Variants in CLPP observed in about 807,000 individuals in gnomAD.
The protein encoded by CLPP is caseinolytic mitochondrial matrix peptidase proteolytic subunit.
CLPP carries 14 observed loss-of-function variants against 27.4 expected under a neutral mutation model. That is an observed-to-expected ratio of 0.51 (90% confidence interval 0.34 to 0.80). The LOEUF is 0.80. Ranked by LOEUF, CLPP falls within the 30% of genes least tolerant of loss-of-function variation. The pLI, the probability that CLPP is intolerant of heterozygous loss-of-function variation, is 0.02. For synonymous variants in CLPP, 193 were observed against 166.6 expected, an observed-to-expected ratio of 1.16 and a Z score of -1.22; for missense variants, 361 against 403.6, an observed-to-expected ratio of 0.89 and a Z score of 0.90.
rs980193170 is a variant in CLPP, at chr19:6,361,747, T to G, written c.173T>G (p.Leu58Arg). 15 of 1,527,484 alleles carry G rather than the reference T, an allele frequency of 9.8e-6. No homozygotes were observed. The highest frequency in any genetic ancestry group is 1.7e-4 in the Middle Eastern group (1 of 5,910). 94.6% of individuals were successfully genotyped at this position (1,527,484 alleles called of 1,614,324 possible). A position where few individuals can be genotyped will look rare whatever the true frequency, so the allele number is the denominator to read the frequency against. Residue 58 changes from leucine to arginine, a missense_variant, in exon 1 of 6, where the codon CTC becomes CGC. By Grantham distance (102) the Leu-to-Arg change is moderately radical. Around this residue, in one of 2 missense-constraint regions of CLPP, gnomAD observed 148 missense variants for 122.6 expected, o/e 1.21. Transcript: ENST00000245816. ...GCGACGGCGACCCGGGCTCTCCCGC[T>G]CATTCCCATCGTGGTGGAGCAGACG... ...LHATATRALPLIPIVVEQTGR... is the reference protein window; with the variant it reads ...LHATATRALPRIPIVVEQTGR...
At chr19:6,362,073 T>C in intron 2 of CLPP, 133 bp downstream of exon 2, 1 of 791,742 alleles carries the variant, frequency 1.3e-6, no homozygotes, top group South Asian at 1.7e-5. Context: ...CCTCCCCTTC[T>C]GACTCCCCTC....
chr19:6,364,638 G>A lies in CLPP; in HGVS notation c.554G>A (p.Arg185Gln), dbSNP rs773085357. The change falls in exon 4 of 6, where the codon CGG becomes CAG. Residue 185 changes from arginine to glutamine, a missense_variant and splice_region_variant. Arg to Gln is a conservative substitution (Grantham distance 43). This residue lies in a region of CLPP where 213 missense variants were observed against 280.9 expected (regional missense o/e 0.76). Coordinates refer to ENST00000245816, the MANE Select transcript of CLPP (RefSeq NM_006012.4). The part of the protein sequence containing the change: ...IMIHQPSGGA[R>Q]GQATDIAIQA... ...ATCCACCAGCCCTCAGGAGGCGCCC[G>A]GGTGAGTGCCAGACACGCGAGCTGC... is the stretch of plus-strand genomic sequence containing the variant. 6 of 1,608,218 alleles carry A rather than the reference G, an allele frequency of 3.7e-6. No homozygotes were observed. The highest frequency in any genetic ancestry group is 2.2e-5 in the South Asian group (2 of 90,730).
Position 6,364,642 on chromosome 19 carries a change from G to A in CLPP, c.555+3G>A, listed in dbSNP as rs200101759. On this transcript the variant is annotated splice_donor_region_variant and intron_variant, in intron 4 of 5. Coordinates refer to ENST00000245816, the MANE Select transcript of CLPP (RefSeq NM_006012.4). ...ACCAGCCCTCAGGAGGCGCCCGGGT[G>A]AGTGCCAGACACGCGAGCTGCTGTT... 761 of 1,607,686 alleles carry A rather than the reference G, an allele frequency of 4.7e-4. 4 individuals are homozygous for A. The African/African-American group carries it at 9.0e-3, about 19-fold the overall frequency.
chr19:6,361,626 C>G lies in CLPP; in HGVS notation c.52C>G (p.Pro18Ala). 7.0e-7 allele frequency: 1 copy of G among 1,424,808 alleles called. No individual in the cohort carries two copies. The highest frequency in any genetic ancestry group is 1.9e-4 in the Middle Eastern group (1 of 5,370). The allele number at this position is 1,424,808 out of a possible 1,614,324, so 88.3% of individuals were successfully genotyped here. A position where few individuals can be genotyped will look rare whatever the true frequency, so the allele number is the denominator to read the frequency against. Residue 18 changes from proline (P) to alanine (A), a missense_variant, in exon 1 of 6, where the codon CCC becomes GCC. Pro to Ala is a conservative substitution (Grantham distance 27). Around this residue, in one of 2 missense-constraint regions of CLPP, gnomAD observed 148 missense variants for 122.6 expected, o/e 1.21. Transcript: ENST00000245816. ...GGCCCGGGTGGCGTCATGCAGGTAC[C>G]CCGCGCTGGGGCCTCGCCTCGCCGC... is the stretch of plus-strand genomic sequence containing the variant. The part of the protein sequence containing the change: ...GGARVASCRY[P>A]ALGPRLAAHF...
intron 5 of CLPP, among the ~76,000 whole-genome samples, chr19:6,368,152 AG>A (rs1464795527): frequency 6.6e-6 from 1 of 152,184 alleles, no homozygotes; most frequent in East Asian, 1.9e-4. Flanking sequence ...AAAACACCAC[AG>A]ACCTCAACAG....
At position 6,361,946 on chromosome 19, in the gene CLPP, C is replaced by T; in HGVS notation, c.270+6C>T. 1 of 1,595,304 alleles carries T rather than the reference C, an allele frequency of 6.3e-7. No individual in the cohort carries two copies. The highest frequency in any genetic ancestry group is 8.5e-7 in the Non-Finnish European group (1 of 1,178,444). On this transcript the variant is annotated splice_donor_region_variant and intron_variant, in intron 2 of 5. Coordinates refer to ENST00000245816, the MANE Select transcript of CLPP (RefSeq NM_006012.4). ...TCGTGTGCGTCATGGGCCCGGTGAGCGCCCCGCGCCGGGACCCTCCCCAGG... is the reference window on the plus strand; with the variant it reads ...TCGTGTGCGTCATGGGCCCGGTGAGTGCCCCGCGCCGGGACCCTCCCCAGG...
At chr19:6,367,519 G>A in intron 5 of CLPP, among the ~76,000 whole-genome samples, 1 of 151,970 alleles carries the variant, frequency 6.6e-6, no homozygotes, top group East Asian at 1.9e-4. Flanking sequence ...GCTGTTAGAG[G>A]AGTGGTTGCT....
chr19:6,364,092 G>A (rs1190431939), intron 3 of CLPP, among the ~76,000 whole-genome samples: 27 of 148,164 alleles, frequency 1.8e-4, no homozygotes, highest in African/African-American at 6.0e-4. Flanking sequence ...GTGCGGTGGC[G>A]CTATCTCGGC....
Position 6,368,915 on chromosome 19 carries a change from G to A in CLPP, c.*205G>A, listed in dbSNP as rs2091874908. The A allele has an allele frequency of 3.4e-6, 2 of 588,460 alleles. No individual in the cohort carries two copies. Among genetic ancestry groups the A allele is most frequent in the South Asian group, 4.0e-5 (2 of 49,438 alleles). The allele number at this position is 588,460 out of a possible 1,614,324, so 36.5% of individuals were successfully genotyped here. A position where few individuals can be genotyped will look rare whatever the true frequency, so the allele number is the denominator to read the frequency against. On this transcript the variant is annotated 3_prime_UTR_variant, in exon 6 of 6. Transcript: ENST00000245816. ...CTTTGTGGTCTTTGCTCTGCGTCTGGGACACCCTCCCTTCTGCACCATGAC... is the reference window on the plus strand; with the variant it reads ...CTTTGTGGTCTTTGCTCTGCGTCTGAGACACCCTCCCTTCTGCACCATGAC...
chr19:6,362,608 G>A (rs1391186126), intron 3 of CLPP, 66 bp downstream of exon 3: 5 of 1,098,038 alleles, frequency 4.6e-6, no homozygotes, highest in Non-Finnish European at 5.6e-6. Context: ...CAGGGGACCA[G>A]AATCCCGGGT....
intron 4 of CLPP, chr19:6,365,147 C>G (rs112183821): frequency 0.035 from 5,280 of 148,966 alleles, 152 homozygotes; most frequent in African/African-American, 0.081. Flanking sequence ...CGAGGCCAGC[C>G]AGGGGAACAT....
Position 6,361,920 on chromosome 19 carries a change from A to G in CLPP, c.250A>G (p.Ile84Val), listed in dbSNP as rs1211465100. Reference protein sequence around the residue: ...DIYSRLLRERIVCVMGPIDDS... With the variant: ...DIYSRLLRERVVCVMGPIDDS... ...CTACTCGCGGCTGCTGCGGGAGCGC[A>G]TCGTGTGCGTCATGGGCCCGGTGAG... Residue 84 changes from isoleucine to valine, a missense_variant, in exon 2 of 6, where the codon ATC (isoleucine) becomes GTC (valine). Coordinates refer to ENST00000245816, the MANE Select transcript of CLPP (RefSeq NM_006012.4). 1 of 1,595,854 alleles carries G rather than the reference A, an allele frequency of 6.3e-7. No homozygotes were observed. The highest frequency in any genetic ancestry group is 8.5e-7 in the Non-Finnish European group (1 of 1,178,666).
rs1241678061 is a variant in CLPP, at chr19:6,369,488, G to A, written c.*778G>A. ...GTAAGCGTGTTACAGTTTTTTATGGGGTAATCAGGGAAGCCCTCACTGAGA... is the reference window on the plus strand; with the variant it reads ...GTAAGCGTGTTACAGTTTTTTATGGAGTAATCAGGGAAGCCCTCACTGAGA... On this transcript the variant is annotated 3_prime_UTR_variant, in exon 6 of 6. Transcript: ENST00000245816. Among the ~76,000 whole-genome samples, 1 of 152,014 alleles carries A rather than the reference G, an allele frequency of 6.6e-6. No individual in the cohort carries two copies. The highest frequency in any genetic ancestry group is 1.5e-5 in the Non-Finnish European group (1 of 68,004).
intron 2 of CLPP, chr19:6,362,176 C>G: frequency 1.7e-6 from 1 of 602,350 alleles, no homozygotes; most frequent in South Asian, 2.0e-5. Flanking sequence ...CACCGCTCCC[C>G]TCATTCCTAC....
At position 6,368,912 on chromosome 19, in the gene CLPP, C is replaced by G. The variant is rs2091874887; in HGVS notation, c.*202C>G. The G allele has an allele frequency of 5.1e-6, 3 of 589,950 alleles. No homozygotes were observed. The highest frequency in any genetic ancestry group is 4.0e-5 in the South Asian group (2 of 49,534). The allele number at this position is 589,950 out of a possible 1,614,324, so 36.5% of individuals were successfully genotyped here. A position where few individuals can be genotyped will look rare whatever the true frequency, so the allele number is the denominator to read the frequency against. ...AATCTTTGTGGTCTTTGCTCTGCGTCTGGGACACCCTCCCTTCTGCACCAT... is the reference window on the plus strand; with the variant it reads ...AATCTTTGTGGTCTTTGCTCTGCGTGTGGGACACCCTCCCTTCTGCACCAT... On this transcript the variant is annotated 3_prime_UTR_variant, in exon 6 of 6. Coordinates refer to ENST00000245816, the MANE Select transcript of CLPP (RefSeq NM_006012.4).
Position 6,363,520 on chromosome 19 carries a change from T to C in CLPP, c.368-932T>C, listed in dbSNP as rs117774039. ...CTGACTGTAAAGCAAGCGCTCTGCCTTTTGCCTGCACCTGGGCCGTGTCAC... is the reference window on the plus strand; with the variant it reads ...CTGACTGTAAAGCAAGCGCTCTGCCCTTTGCCTGCACCTGGGCCGTGTCAC... On this transcript the variant is annotated intron_variant, in intron 3 of 5. Coordinates refer to ENST00000245816, the MANE Select transcript of CLPP (RefSeq NM_006012.4). Among the ~76,000 whole-genome samples, 28 of 152,224 alleles carry C rather than the reference T, an allele frequency of 1.8e-4. No individual in the cohort carries two copies. In the East Asian group the frequency reaches 4.6e-3, roughly 25 times the overall value.
chr19:6,361,654 A>G lies in CLPP; in HGVS notation c.80A>G (p.His27Arg). The change falls in exon 1 of 6, where the codon CAC becomes CGC. Residue 27 changes from histidine to arginine, a missense_variant. His to Arg is a conservative substitution (Grantham distance 29). This residue lies in a region of CLPP where 148 missense variants were observed against 122.6 expected (regional missense o/e 1.21). Transcript: ENST00000245816. ...GCGCTGGGGCCTCGCCTCGCCGCTC[A>G]CTTTCCAGCGCAGCGGCCGCCGCAG... ...YPALGPRLAAHFPAQRPPQRT... is the reference protein window; with the variant it reads ...YPALGPRLAARFPAQRPPQRT... 7.7e-6 allele frequency: 11 copies of G among 1,419,672 alleles called. No individual in the cohort carries two copies. The highest frequency in any genetic ancestry group is 1.0e-5 in the Non-Finnish European group (11 of 1,086,928). The allele number at this position is 1,419,672 out of a possible 1,614,324, so 87.9% of individuals were successfully genotyped here.
In CLPP at chr19:6,361,558, C is replaced by T; in HGVS notation, c.-17C>T. 1.4e-6 allele frequency: 2 copies of T among 1,390,546 alleles called. No homozygotes were observed. The allele number at this position is 1,390,546 out of a possible 1,614,324, so 86.1% of individuals were successfully genotyped here. ...AGTTCCGCCATCGGACGGAAGCCGA[C>T]CGGGGCGTGCGGAGGGATGTGGCCC... is the stretch of plus-strand genomic sequence containing the variant. On this transcript the variant is annotated 5_prime_UTR_variant, in exon 1 of 6. Coordinates refer to ENST00000245816, the MANE Select transcript of CLPP (RefSeq NM_006012.4).
Position 6,368,647 on chromosome 19 carries a change from G to A in CLPP, c.771G>A (p.Thr257=), listed in dbSNP as rs762565051. 1.1e-5 allele frequency: 17 copies of A among 1,603,220 alleles called. No homozygotes were observed. The highest frequency in any genetic ancestry group is 5.4e-5 in the African/African-American group (4 of 74,588). The stretch of plus-strand genomic sequence containing the variant: ...CCCAGGACGGTGAGGATGAGCCCAC[G>A]CTGGTGCAGAAGGAGCCTGTAGAAG... ...HPPQDGEDEP[T]LVQKEPVEAA... The change falls in exon 6 of 6, where the codon ACG becomes ACA. Residue 257 remains threonine (T), a synonymous_variant. Coordinates refer to ENST00000245816, the MANE Select transcript of CLPP (RefSeq NM_006012.4).
Sources: allele counts gnomAD v4.1 joint callset (sites outside exome capture counted in the v4.1 genomes callset), GRCh38; gene constraint gnomAD v4.1.1; regional missense constraint gnomAD v4.1.1; transcripts MANE v1.5; gene names NCBI Gene and HGNC (gene_info 2026-07-23, HGNC 2026-07-21).